SLIT3: variants seen among roughly 807,000 people sequenced by gnomAD.
SLIT3 encodes slit homolog 3 protein.
In SLIT3, 68 loss-of-function variants were observed where a neutral mutation model predicts 184.0. That is an observed-to-expected ratio of 0.37 (90% CI 0.30 to 0.45). SLIT3 has a LOEUF of 0.45. Among genes scored for constraint, SLIT3 ranks in the 20% least tolerant of loss-of-function variants. SLIT3 has a pLI of 1.00. For synonymous variants in SLIT3, 831 were observed against 828.6 expected, an observed-to-expected ratio of 1.00 and a Z score of -0.05; for missense variants, 1,707 against 2,026.0, an observed-to-expected ratio of 0.84 and a Z score of 3.02.
At chr5:168,839,539 T>A (rs1758171249) in intron 6 of SLIT3, among the ~76,000 whole-genome samples, 1 of 152,192 alleles carries the variant, frequency 6.6e-6, no homozygotes, top group African/African-American at 2.4e-5. Flanking sequence ...ATCTCAATTT[T>A]TAAATGTGAA....
intron 3 of SLIT3, among the ~76,000 whole-genome samples, chr5:169,229,067 A>G (rs1461761873): frequency 1.3e-5 from 2 of 151,966 alleles, no homozygotes; most frequent in Non-Finnish European, 2.9e-5. Flanking sequence ...AGCCGTGCGC[A>G]CACACACAGA....
chr5:168,721,294 C>A (rs1473008905), intron 23 of SLIT3, among the ~76,000 whole-genome samples: 1 of 152,062 alleles, frequency 6.6e-6, no homozygotes. Context: ...GTTAATCAGG[C>A]CCAGGATTGG....
intron 12 of SLIT3, among the ~76,000 whole-genome samples, chr5:168,781,125 T>C (rs556983546): frequency 4.6e-5 from 7 of 152,302 alleles, no homozygotes; most frequent in Middle Eastern, 3.4e-3. Flanking sequence ...AGCAACACCA[T>C]TGGGCGGCCT....
chr5:168,984,052 A>AAT lies in SLIT3; in HGVS notation c.414-100718_414-100717dup, dbSNP rs1311966242. Among the ~76,000 whole-genome samples, 8 of 149,720 alleles carry AAT rather than the reference A, an allele frequency of 5.3e-5. No individual in the cohort carries two copies. The East Asian group carries it at 1.2e-3, about 22-fold the overall frequency. ...GTGAGAGAGAGAAACCCTGTCTCAAAATATATATATATTTTTTTTAATGGA... is the reference window on the plus strand; with the variant it reads ...GTGAGAGAGAGAAACCCTGTCTCAAAATATATATATATATTTTTTTTAATGGA... On this transcript the variant is annotated intron_variant, in intron 4 of 35. Transcript: ENST00000519560.
At chr5:169,175,610 T>G (rs2113428224) in intron 4 of SLIT3, among the ~76,000 whole-genome samples, 1 of 152,330 alleles carries the variant, frequency 6.6e-6, no homozygotes, top group South Asian at 2.1e-4. Context: ...TTCGTGGTTG[T>G]GTTATTGACT....
chr5:169,297,017 G>C (rs1275475013), intron 1 of SLIT3, among the ~76,000 whole-genome samples: 1 of 152,190 alleles, frequency 6.6e-6, no homozygotes, highest in African/African-American at 2.4e-5. Flanking sequence ...ATTGTGGTTG[G>C]AGAAGAATTA....
In SLIT3 at chr5:168,795,504, C is replaced by T. The variant is rs543452458; in HGVS notation, c.1007+3G>A. The T allele has an allele frequency of 1.2e-6, 2 of 1,610,890 alleles. No homozygotes were observed. The highest frequency in any genetic ancestry group is 1.7e-5 in the Admixed American group (1 of 60,030). ...GGCCCATTTCTCCACAGGGGAAACT[C>T]ACATTCGCTTCAGTTTCTTGTACTG... On this transcript the variant is annotated splice_donor_region_variant and intron_variant, in intron 10 of 35. Coordinates refer to ENST00000519560, the MANE Select transcript of SLIT3 (RefSeq NM_003062.4).
intron 4 of SLIT3, among the ~76,000 whole-genome samples, chr5:168,943,345 T>A (rs1762380251): frequency 6.6e-6 from 1 of 152,216 alleles, no homozygotes; most frequent in African/African-American, 2.4e-5. Context: ...AAAACTGATA[T>A]CTGATACAAT....
intron 6 of SLIT3, among the ~76,000 whole-genome samples, chr5:168,827,421 T>C (rs1757741417): frequency 6.6e-6 from 1 of 152,234 alleles, no homozygotes. Context: ...CTCTTCTTTT[T>C]GTTACTCAAC....
chr5:169,012,683 G>T (rs1322537491), intron 4 of SLIT3: 2 of 152,150 alleles, frequency 1.3e-5, no homozygotes, highest in South Asian at 4.2e-4. Flanking sequence ...ACTAATTCTG[G>T]AAAGTTGCCC....
chr5:168,984,607 G>C (rs1025961524), intron 4 of SLIT3, among the ~76,000 whole-genome samples: 1 of 152,140 alleles, frequency 6.6e-6, no homozygotes, highest in Admixed American at 6.5e-5. Flanking sequence ...ATGACCTCTT[G>C]CTGTGAAAAT....
intron 5 of SLIT3, among the ~76,000 whole-genome samples, chr5:168,850,836 T>C (rs927118724): frequency 2.0e-5 from 3 of 152,208 alleles, no homozygotes; most frequent in Non-Finnish European, 4.4e-5. Flanking sequence ...AGCTCTGCAA[T>C]AATGCAAACA....
At chr5:169,061,952 C>T (rs1041525187) in intron 4 of SLIT3, among the ~76,000 whole-genome samples, 12 of 152,122 alleles carry the variant, frequency 7.9e-5, no homozygotes, top group Non-Finnish European at 1.5e-4. Flanking sequence ...TTAGAATTTA[C>T]GCCACCCCAA....
In SLIT3 at chr5:168,723,635, G is replaced by A. The variant is rs186893940; in HGVS notation, c.2340-631C>T. Among the ~76,000 whole-genome samples, 31 of 151,996 alleles carry A rather than the reference G, an allele frequency of 2.0e-4. No individual in the cohort carries two copies. In the East Asian group the frequency reaches 2.3e-3, roughly 11 times the overall value. ...TTCTTTTCTGGCATTCATTTACTCC[G>A]TCTTATCAGGTTCTGTCTTAGGAGG... On this transcript the variant is annotated intron_variant, in intron 21 of 35. Transcript: ENST00000519560.
rs538132653 is a variant in SLIT3 at position 169,194,879 on chromosome 5, C to T, written c.342-1329G>A. Reference sequence around the variant, plus strand: ...TGATCTCCATGAAGGCTGCTTTCTTCGGAGCACTGGGCCAAGAGAGACGCC... The same window carrying T: ...TGATCTCCATGAAGGCTGCTTTCTTTGGAGCACTGGGCCAAGAGAGACGCC... On this transcript the variant is annotated intron_variant, in intron 3 of 35. Coordinates refer to ENST00000519560, the MANE Select transcript of SLIT3 (RefSeq NM_003062.4). Among the ~76,000 whole-genome samples the T allele has an allele frequency of 2.4e-3, 373 of 152,282 alleles. 3 individuals carry two copies. Among genetic ancestry groups the T allele is most frequent in the Middle Eastern group, 3.4e-3 (1 of 294 alleles).
intron 4 of SLIT3, among the ~76,000 whole-genome samples, chr5:169,132,631 C>A (rs1761345275): frequency 6.6e-6 from 1 of 152,146 alleles, no homozygotes; most frequent in African/African-American, 2.4e-5. Context: ...ATGAACTAAG[C>A]AGGAACCAGG....
At chr5:168,997,624 CAGG>C (rs1365487266) in intron 4 of SLIT3, among the ~76,000 whole-genome samples, 1 of 152,148 alleles carries the variant, frequency 6.6e-6, no homozygotes, top group East Asian at 1.9e-4. Flanking sequence ...CTGCTGCATG[CAGG>C]AGACCTCAGT....
At chr5:168,671,817 G>A (rs185127405) in intron 33 of SLIT3, among the ~76,000 whole-genome samples, 13 of 152,286 alleles carry the variant, frequency 8.5e-5, no homozygotes, top group African/African-American at 1.2e-4. Context: ...TGAGGAGACC[G>A]TTCCCCCCAA....
At chr5:169,022,173 G>T (rs1180803230) in intron 4 of SLIT3, 2 of 152,256 alleles carry the variant, frequency 1.3e-5, no homozygotes, top group Admixed American at 6.5e-5. Context: ...GCAATGAGCG[G>T]CATCGCCTGA....
Sources: allele counts gnomAD v4.1 joint callset (sites outside exome capture counted in the v4.1 genomes callset), GRCh38; gene constraint gnomAD v4.1.1; transcripts MANE v1.5; gene names NCBI Gene and HGNC (gene_info 2026-07-23, HGNC 2026-07-21).